TNNT1: variants seen among roughly 807,000 people sequenced by gnomAD.
The protein encoded by TNNT1 is troponin T, slow skeletal muscle.
TNNT1 carries 53 observed loss-of-function variants against 50.6 expected under a neutral mutation model. The observed-to-expected ratio is 1.05, with a 90% CI of 0.84 to 1.32. TNNT1 has a LOEUF of 1.32. Among genes scored for constraint, TNNT1 ranks in the 40% most tolerant of loss-of-function variants. TNNT1 has a pLI of 0.00. For synonymous variants in TNNT1, 142 were observed against 138.0 expected (o/e 1.03, Z -0.20); for missense variants, 348 against 381.7 (o/e 0.91, Z 0.74).
In TNNT1 at chr19:55,138,087, A is replaced by C. The variant is rs1309472478; in HGVS notation, c.388-13T>G. On this transcript the variant is annotated splice_polypyrimidine_tract_variant and intron_variant, in intron 9 of 13. Coordinates refer to ENST00000588981, the MANE Select transcript of TNNT1 (RefSeq NM_003283.6). ...TCATCTTCTCCTCCTGTGGGAAGTA[A>C]GGGGTTAACCTCATGGACTCCCCTG... 6.2e-7 allele frequency: 1 copy of C among 1,613,762 alleles called. No individual in the cohort carries two copies. Among genetic ancestry groups the C allele is most frequent in the Non-Finnish European group, 8.5e-7 (1 of 1,179,938 alleles).
At chr19:55,149,139 A>G (rs1024408288) in intron 1 of TNNT1, 22 bp downstream of exon 1, 6 of 456,026 alleles carry the variant, frequency 1.3e-5, no homozygotes, top group Non-Finnish European at 2.6e-5. Context: ...TGAAGACCAC[A>G]GGGCTCCGCA....
chr19:55,146,541 A>G, intron 4 of TNNT1, 75 bp from the exon 5 acceptor site: 2 of 1,118,426 alleles, frequency 1.8e-6, no homozygotes, highest in Non-Finnish European at 2.4e-6. Context: ...GCGGGAGGGG[A>G]GAGAGGGAAG....
Position 55,133,891 on chromosome 19 carries a change from TC to T in TNNT1, c.786del (p.Lys263SerfsTer36). On this transcript the variant is annotated frameshift_variant, in exon 13 of 14. Transcript: ENST00000588981. LOFTEE classifies it high-confidence loss of function. ...GCTTGAGACGGTCACACTCACAACT[TC>T]TGGGCGTGGCTGATGCGGTTGTACA... ...NVLYNRISHAQKFRKGAGKGR... is the reference protein window; with the variant it reads ...NVLYNRISHAXKFRKGAGKGR... 2 of 1,613,732 alleles carry T rather than the reference TC, an allele frequency of 1.2e-6. No homozygotes were observed. Among genetic ancestry groups the T allele is most frequent in the Non-Finnish European group, 1.7e-6 (2 of 1,179,982 alleles).
intron 10 of TNNT1, among the ~76,000 whole-genome samples, 170 bp from the exon 11 acceptor site, chr19:55,137,382 C>A (rs763357377): frequency 6.6e-6 from 1 of 151,942 alleles, no homozygotes; most frequent in Non-Finnish European, 1.5e-5. Context: ...TCCCTCCTCC[C>A]TCAGATTCAG....
At chr19:55,140,123 A>G (rs966559698) in intron 9 of TNNT1, among the ~76,000 whole-genome samples, 1 of 140,256 alleles carries the variant, frequency 7.1e-6, no homozygotes, top group African/African-American at 2.7e-5. Context: ...ACTGTCTCAG[A>G]AAAAAAAAAA....
chr19:55,146,301 AAGGACCGGGCCTGGGGGCGGGTT>A, intron 5 of TNNT1, 110 bp downstream of exon 5: 1 of 548,936 alleles, frequency 1.8e-6, no homozygotes, highest in Non-Finnish European at 2.9e-6. Flanking sequence ...CAGGGGCTTA[AAGGACCGGGCCTGGGGGCGGGTT>A]ATGGGGGCGG....
intron 1 of TNNT1, among the ~76,000 whole-genome samples, chr19:55,148,384 C>T (rs1233403999): frequency 2.0e-5 from 3 of 152,022 alleles, no homozygotes; most frequent in African/African-American, 7.3e-5. Flanking sequence ...TGTCCGTAGA[C>T]CTCACCCTGA....
Position 55,146,461 on chromosome 19 carries a change from C to A in TNNT1, c.79G>T (p.Glu27Ter). 2.1e-6 allele frequency: 2 copies of A among 952,818 alleles called. No homozygotes were observed. The highest frequency in any genetic ancestry group is 1.3e-6 in the Non-Finnish European group (1 of 792,582). 59.0% of individuals were successfully genotyped at this position (952,818 alleles called of 1,614,324 possible). A position where few individuals can be genotyped will look rare whatever the true frequency, so the allele number is the denominator to read the frequency against. ...EAAEEEEEAP[E>*]EPEPVAEPEE... The stretch of plus-strand genomic sequence containing the variant: ...GGCTCTGCCACCGGCTCCGGCTCTT[C>A]GGGGGCTGGGGAGGGGAGGGAGGAG... Residue 27 changes from glutamate to a stop codon, truncating the protein, a stop_gained, in exon 5 of 14, where the codon GAA becomes TAA. Coordinates refer to ENST00000588981, the MANE Select transcript of TNNT1 (RefSeq NM_003283.6). LOFTEE classifies it high-confidence loss of function.
At position 55,138,197 on chromosome 19, in the gene TNNT1, C is replaced by A. The variant is rs1222743270; in HGVS notation, c.388-123G>T. ...AGTGCCGCAGAGGCTGCTGGGACAT[C>A]AGAACCAGCAGAAACGCAGGGGTAC... On this transcript the variant is annotated intron_variant, in intron 9 of 13. Transcript: ENST00000588981. The A allele has an allele frequency of 3.9e-6, 6 of 1,533,784 alleles. No homozygotes were observed. In the African/African-American group the frequency reaches 6.8e-5, roughly 17 times the overall value.
chr19:55,137,072 C>T (rs1335372851), intron 11 of TNNT1, 31 bp downstream of exon 11: 2 of 1,335,528 alleles, frequency 1.5e-6, no homozygotes, highest in African/African-American at 1.4e-5. Context: ...ACACCCAGGC[C>T]CCTACACCCC....
At chr19:55,141,632 T>C (rs1394810999) in intron 7 of TNNT1, among the ~76,000 whole-genome samples, 1 of 151,448 alleles carries the variant, frequency 6.6e-6, no homozygotes, top group Non-Finnish European at 1.5e-5. Context: ...TACAGACACC[T>C]GCCACCACGC....
At position 55,137,249 on chromosome 19, in the gene TNNT1, C is replaced by G. The variant is rs763963421; in HGVS notation, c.502-37G>C. On this transcript the variant is annotated intron_variant, in intron 10 of 13. Transcript: ENST00000588981. ...GGAGGCGGAACAGTAAACTGGGGGC[C>G]ACATCCCACAGAGCACTGCCGTGTC... The G allele has an allele frequency of 4.8e-6, 7 of 1,453,774 alleles. No homozygotes were observed. The East Asian group carries it at 1.1e-4, about 24-fold the overall frequency. 90.1% of individuals were successfully genotyped at this position (1,453,774 alleles called of 1,614,324 possible).
Position 55,146,589 on chromosome 19 carries a change from C to T in TNNT1, c.73+92G>A, listed in dbSNP as rs986461796. 5 of 1,227,880 alleles carry T rather than the reference C, an allele frequency of 4.1e-6. No individual in the cohort carries two copies. The African/African-American group carries it at 7.8e-5, about 19-fold the overall frequency. The allele number at this position is 1,227,880 out of a possible 1,614,324, so 76.1% of individuals were successfully genotyped here. The stretch of plus-strand genomic sequence containing the variant: ...CTGTTAGAGGACCGGGAGCCGAGGC[C>T]GTCGGGAGCCCCATCCCGCCCCCTC... On this transcript the variant is annotated intron_variant, in intron 4 of 13. Transcript: ENST00000588981.
At chr19:55,142,028 C>T in intron 6 of TNNT1, 108 bp from the exon 7 acceptor site, 1 of 1,134,880 alleles carries the variant, frequency 8.8e-7, no homozygotes, top group Non-Finnish European at 1.3e-6. Context: ...CGGGAGGCTC[C>T]TGAACGTGGA....
At chr19:55,146,516 C>A in intron 4 of TNNT1, 50 bp from the exon 5 acceptor site, 2 of 1,154,258 alleles carry the variant, frequency 1.7e-6, no homozygotes, top group Non-Finnish European at 2.3e-6. Flanking sequence ...GAGGGGGGAG[C>A]GGCCACGCCC....
At chr19:55,148,441 A>G (rs1424282691) in intron 1 of TNNT1, among the ~76,000 whole-genome samples, 2 of 152,076 alleles carry the variant, frequency 1.3e-5, no homozygotes, top group African/African-American at 4.8e-5. Context: ...CCTAGGCCAC[A>G]GGGTGCCTAG....
chr19:55,140,404 T>C (rs2085428772), intron 9 of TNNT1, among the ~76,000 whole-genome samples: 1 of 150,530 alleles, frequency 6.6e-6, no homozygotes, highest in African/African-American at 2.4e-5. Context: ...CAGGAGGTCC[T>C]AGTTATAGTG....
chr19:55,143,980 C>A (rs951510606), intron 6 of TNNT1, among the ~76,000 whole-genome samples: 3 of 152,070 alleles, frequency 2.0e-5, no homozygotes, highest in African/African-American at 7.2e-5. Context: ...GGGTTGTCCC[C>A]ATTGCTTCCC....
At chr19:55,147,199 G>C (rs1269015806) in intron 1 of TNNT1, 31 bp from the exon 2 acceptor site, 7 of 1,609,558 alleles carry the variant, frequency 4.3e-6, no homozygotes, top group Non-Finnish European at 5.9e-6. Flanking sequence ...GCCCAGTGGG[G>C]TGGGGCCCCA....
Sources: allele counts gnomAD v4.1 joint callset (sites outside exome capture counted in the v4.1 genomes callset), GRCh38; gene constraint gnomAD v4.1.1; transcripts MANE v1.5; gene names NCBI Gene and HGNC (gene_info 2026-07-23, HGNC 2026-07-21).